The following MRPS31 variants were observed in gnomAD, a reference collection of about 807,000 sequenced individuals.
MRPS31 encodes the protein mitochondrial ribosomal protein S31.
In MRPS31, 32 loss-of-function variants were observed where a neutral mutation model predicts 43.1. That is an observed-to-expected ratio of 0.74 (90% CI 0.56 to 1.00). MRPS31 has a LOEUF of 1.00. MRPS31 is among the 50% of genes least tolerant of loss of function. The pLI, the probability that MRPS31 is intolerant of heterozygous loss-of-function variation, is 0.00. For synonymous variants in MRPS31, 165 were observed against 161.6 expected, an observed-to-expected ratio of 1.02 and a Z score of -0.16; for missense variants, 437 against 466.7, an observed-to-expected ratio of 0.94 and a Z score of 0.59.
At chr13:40,759,423 G>A (rs1009138245) in intron 2 of MRPS31, among the ~76,000 whole-genome samples, 8 of 151,840 alleles carry the variant, frequency 5.3e-5, no homozygotes, top group Admixed American at 2.0e-4. Flanking sequence ...GGGAGACAGA[G>A]CGAGACTCTG....
intron 1 of MRPS31, among the ~76,000 whole-genome samples, chr13:40,769,971 C>A (rs141064038): frequency 4.6e-5 from 7 of 152,310 alleles, no homozygotes; most frequent in African/African-American, 1.7e-4. Context: ...TTCCATTTTT[C>A]ACACTTTCTA....
chr13:40,744,423 A>G (rs1880183915), intron 6 of MRPS31, among the ~76,000 whole-genome samples: 1 of 152,228 alleles, frequency 6.6e-6, no homozygotes, highest in Non-Finnish European at 1.5e-5. Flanking sequence ...TTTAAAAAGG[A>G]GACATAAATT....
intron 5 of MRPS31, among the ~76,000 whole-genome samples, chr13:40,751,693 G>C (rs1880395071): frequency 6.6e-6 from 1 of 152,188 alleles, no homozygotes. Flanking sequence ...GAAAACAACA[G>C]TGAACAATTG....
chr13:40,746,823 C>T (rs1293751087), intron 6 of MRPS31, among the ~76,000 whole-genome samples: 4 of 152,206 alleles, frequency 2.6e-5, no homozygotes, highest in Non-Finnish European at 5.9e-5. Context: ...CAAACCCCTT[C>T]ACAATGTTGT....
At chr13:40,748,244 G>C (rs1218055791) in intron 6 of MRPS31, among the ~76,000 whole-genome samples, 1 of 152,052 alleles carries the variant, frequency 6.6e-6, no homozygotes, top group Non-Finnish European at 1.5e-5. Flanking sequence ...TGCAACTTCT[G>C]CCTCCCGGGT....
chr13:40,731,350 T>C lies in MRPS31; in HGVS notation c.959-1749A>G, dbSNP rs551998876. On this transcript the variant is annotated intron_variant, in intron 6 of 6. Transcript: ENST00000323563. ...ACTGTGGGAGGCTGGGGGTGGCAGG[T>C]AGGGGGGCAGGTCACAAGGTCAGGA... 62 of 139,060 alleles carry C rather than the reference T, an allele frequency of 4.5e-4. 3 individuals carry two copies. The East Asian group carries it at 0.012, about 28-fold the overall frequency. The allele number at this position is 139,060 out of a possible 1,614,324, so 8.6% of individuals were successfully genotyped here. A position where few individuals can be genotyped will look rare whatever the true frequency, so the allele number is the denominator to read the frequency against.
At chr13:40,738,884 G>C (rs1880000249) in intron 6 of MRPS31, among the ~76,000 whole-genome samples, 1 of 152,152 alleles carries the variant, frequency 6.6e-6, no homozygotes, top group Non-Finnish European at 1.5e-5. Context: ...GCACAAGACA[G>C]GGATGCCCTC....
intron 2 of MRPS31, among the ~76,000 whole-genome samples, chr13:40,765,335 T>G (rs956416035): frequency 5.9e-5 from 9 of 152,212 alleles, no homozygotes; most frequent in Non-Finnish European, 1.2e-4. Context: ...TATGTTTGCC[T>G]CACTCATACC....
chr13:40,761,592 C>A (rs548779649), intron 2 of MRPS31, among the ~76,000 whole-genome samples: 21 of 152,176 alleles, frequency 1.4e-4, no homozygotes, highest in African/African-American at 4.8e-4. Flanking sequence ...ATACAGGGAT[C>A]TTTCTTCATA....
chr13:40,762,560 A>G (rs1376474418), intron 2 of MRPS31, among the ~76,000 whole-genome samples: 4 of 151,518 alleles, frequency 2.6e-5, no homozygotes, highest in Non-Finnish European at 2.9e-5. Context: ...CAGCTTCCTG[A>G]GTAGCTGGGA....
rs756500059 is a variant in MRPS31 at position 40,729,567 on chromosome 13, A to G, written c.993T>C (p.His331=). Residue 331 remains histidine, a synonymous_variant, in exon 7 of 7, where the codon CAT becomes CAC. Transcript: ENST00000323563. Reference sequence around the variant, plus strand: ...TCTCCAGGTGTTTCTCCAGAAATATATGTTCATGAAATTCTGAACCATCAT... The same window carrying G: ...TCTCCAGGTGTTTCTCCAGAAATATGTGTTCATGAAATTCTGAACCATCAT... ...FDDDGSEFHE[H]IFLEKHLESF... The G allele has an allele frequency of 1.9e-6, 3 of 1,613,884 alleles. No individual in the cohort carries two copies. In the South Asian group the frequency reaches 3.3e-5, roughly 18 times the overall value.
rs928058446 is a variant in MRPS31 at position 40,752,618 on chromosome 13, GAT to G, written c.814+1399_814+1400del. ...ACATGAGTAGGTGCTACATGAATGA[GAT>G]ATAGCCCCTAATAGTCTATTAAATA... On this transcript the variant is annotated intron_variant, in intron 5 of 6. Coordinates refer to ENST00000323563, the MANE Select transcript of MRPS31 (RefSeq NM_005830.4). Among the ~76,000 whole-genome samples the G allele has an allele frequency of 2.6e-5, 4 of 152,296 alleles. No individual in the cohort carries two copies. In the East Asian group the frequency reaches 7.7e-4, roughly 29 times the overall value.
intron 2 of MRPS31, among the ~76,000 whole-genome samples, chr13:40,764,288 C>T (rs1880782389): frequency 6.6e-6 from 1 of 152,146 alleles, no homozygotes; most frequent in Non-Finnish European, 1.5e-5. Context: ...ATAAGTAATG[C>T]ACATCCTCCG....
At chr13:40,754,410 G>A (rs1432589314) in intron 4 of MRPS31, among the ~76,000 whole-genome samples, 1 of 152,064 alleles carries the variant, frequency 6.6e-6, no homozygotes, top group Non-Finnish European at 1.5e-5. Context: ...TCCATGTTGT[G>A]AAAAACTATA....
rs563536763 is a variant in MRPS31 at position 40,735,267 on chromosome 13, C to A, written c.959-5666G>T. Among the ~76,000 whole-genome samples the A allele has an allele frequency of 6.2e-4, 95 of 152,342 alleles. 1 individual carries two copies. Among genetic ancestry groups the A allele is most frequent in the African/African-American group, 2.2e-3 (93 of 41,592 alleles). ...GCACCAGATTATATCCCGCACCTGG[C>A]TCAGAGGGTCCTACGCCCACGGAGT... is the stretch of plus-strand genomic sequence containing the variant. On this transcript the variant is annotated intron_variant, in intron 6 of 6. Coordinates refer to ENST00000323563, the MANE Select transcript of MRPS31 (RefSeq NM_005830.4).
intron 6 of MRPS31, among the ~76,000 whole-genome samples, chr13:40,748,344 A>C (rs1007796285): frequency 6.6e-6 from 1 of 152,196 alleles, no homozygotes; most frequent in Non-Finnish European, 1.5e-5. Context: ...TTTAGTAGAG[A>C]CGGTGTTTCA....
intron 1 of MRPS31, among the ~76,000 whole-genome samples, chr13:40,769,270 G>A (rs996713653): frequency 3.7e-4 from 56 of 150,620 alleles, no homozygotes; most frequent in African/African-American, 1.3e-3. Context: ...CAGCTACTTG[G>A]GAGGCTGAGG....
intron 3 of MRPS31, among the ~76,000 whole-genome samples, chr13:40,758,348 C>G (rs940707519): frequency 6.6e-6 from 1 of 152,202 alleles, no homozygotes; most frequent in African/African-American, 2.4e-5. Flanking sequence ...CATGAGCCAG[C>G]ACACATGGCC....
Position 40,750,742 on chromosome 13 carries a change from T to TTATATATATATATA in MRPS31, c.815-1475_815-1462dup, listed in dbSNP as rs66521234. 1.9e-3 allele frequency among the ~76,000 whole-genome samples: 250 copies of TTATATATATATATA among 130,788 alleles called. 1 individual carries two copies. Among genetic ancestry groups the TTATATATATATATA allele is most frequent in the South Asian group, 6.5e-3 (26 of 3,972 alleles). The allele number at this position is 130,788 out of a possible 152,430, so 85.8% of individuals were successfully genotyped here. A position where few individuals can be genotyped will look rare whatever the true frequency, so the allele number is the denominator to read the frequency against. On this transcript the variant is annotated intron_variant, in intron 5 of 6. Transcript: ENST00000323563. Reference sequence around the variant, plus strand: ...TGAATGCTTGCATTAGTATCCCATTTTATATATATATATATATATATATAT... The same window carrying TTATATATATATATA: ...TGAATGCTTGCATTAGTATCCCATTTTATATATATATATATATATATATATATATATATATATAT...
Sources: gnomAD v4.1 joint callset for allele counts (sites outside exome capture counted in the v4.1 genomes callset) on GRCh38, gnomAD v4.1.1 for gene constraint, MANE v1.5 for transcripts, NCBI Gene and HGNC (gene_info 2026-07-23, HGNC 2026-07-21) for gene names.